ASH1L: variants seen among roughly 807,000 people sequenced by gnomAD.
ASH1L encodes the protein ASH1 like histone lysine methyltransferase, also known as histone-lysine N-methyltransferase ASH1L.
A neutral mutation model predicts 269.0 loss-of-function variants in ASH1L; 23 were observed. The ratio of observed to expected loss-of-function variants is 0.09; its 90% CI spans 0.06 to 0.12. The LOEUF (loss-of-function observed/expected upper bound fraction) is 0.12. ASH1L is among the 10% of genes least tolerant of loss of function. The pLI, the probability that ASH1L is intolerant of heterozygous loss-of-function variation, is 1.00. For synonymous variants in ASH1L, 1,187 were observed against 1,253.5 expected, an observed-to-expected ratio of 0.95 and a Z score of 1.12; for missense variants, 2,912 against 3,567.8, an observed-to-expected ratio of 0.82 and a Z score of 4.68.
chr1:155,348,786 C>A (rs992843727), intron 19 of ASH1L, among the ~76,000 whole-genome samples: 1 of 151,840 alleles, frequency 6.6e-6, no homozygotes, highest in African/African-American at 2.4e-5. Flanking sequence ...GAGGCTGAGG[C>A]AGGAGAATCG....
At position 155,451,774 on chromosome 1, in the gene ASH1L, T is replaced by G. The variant is rs557809815; in HGVS notation, c.5086+8023A>C. ...TCTAGCTCCATCTCCTAGGCTGGAGTGCACTGGTGTGATCTCAGCTCACGG... is the reference window on the plus strand; with the variant it reads ...TCTAGCTCCATCTCCTAGGCTGGAGGGCACTGGTGTGATCTCAGCTCACGG... On this transcript the variant is annotated intron_variant, in intron 4 of 27. Coordinates refer to ENST00000392403, the MANE Select transcript of ASH1L (RefSeq NM_018489.3). 1.6e-4 allele frequency among the ~76,000 whole-genome samples: 25 copies of G among 151,582 alleles called. 1 individual carries two copies. The highest frequency in any genetic ancestry group is 5.6e-4 in the African/African-American group (23 of 41,284).
At chr1:155,406,203 C>CAAA (rs964056210) in intron 6 of ASH1L, among the ~76,000 whole-genome samples, 20 of 51,804 alleles carry the variant, frequency 3.9e-4, no homozygotes, top group South Asian at 6.8e-4. Context: ...GACTCTGTCT[C>CAAA]AAAAAAAAAA....
At chr1:155,455,206 T>A (rs1222061218) in intron 4 of ASH1L, among the ~76,000 whole-genome samples, 1 of 151,988 alleles carries the variant, frequency 6.6e-6, no homozygotes, top group Non-Finnish European at 1.5e-5. Context: ...TTTAACAGAG[T>A]ATTTGCAAAT....
chr1:155,556,936 G>A (rs1471905473), intron 1 of ASH1L, among the ~76,000 whole-genome samples: 1 of 152,086 alleles, frequency 6.6e-6, no homozygotes, highest in Non-Finnish European at 1.5e-5. Flanking sequence ...AGTTACTTGG[G>A]ACAATGGAAG....
intron 1 of ASH1L, among the ~76,000 whole-genome samples, chr1:155,543,249 G>A (rs931662653): frequency 6.6e-6 from 1 of 151,858 alleles, no homozygotes; most frequent in Admixed American, 6.6e-5. Flanking sequence ...GGTGGCTCAT[G>A]CCTGTAATCA....
chr1:155,450,455 C>G (rs1194548825), intron 4 of ASH1L, among the ~76,000 whole-genome samples: 1 of 152,200 alleles, frequency 6.6e-6, no homozygotes, highest in African/African-American at 2.4e-5. Context: ...TACCACAGGT[C>G]ACTAAAGTTT....
At chr1:155,545,619 T>TG (rs1188849459) in intron 1 of ASH1L, among the ~76,000 whole-genome samples, 1 of 151,042 alleles carries the variant, frequency 6.6e-6, no homozygotes, top group Non-Finnish European at 1.5e-5. Context: ...GAGAAAGGTT[T>TG]GGAAGGAAAA....
At chr1:155,523,478 C>A (rs1216384241) in intron 1 of ASH1L, among the ~76,000 whole-genome samples, 1 of 152,164 alleles carries the variant, frequency 6.6e-6, no homozygotes, top group African/African-American at 2.4e-5. Flanking sequence ...GGCAACAGGG[C>A]AAGACCCTGT....
chr1:155,490,222 C>T (rs1666668323), intron 2 of ASH1L, among the ~76,000 whole-genome samples: 1 of 151,948 alleles, frequency 6.6e-6, no homozygotes, highest in South Asian at 2.1e-4. Context: ...CCTCGGCCTC[C>T]CAAAGTGCTG....
At chr1:155,559,235 T>G (rs1363503747) in intron 1 of ASH1L, among the ~76,000 whole-genome samples, 1 of 152,126 alleles carries the variant, frequency 6.6e-6, no homozygotes, top group Non-Finnish European at 1.5e-5. Context: ...CAATAGTTCC[T>G]TTATACAAAA....
chr1:155,435,431 C>T (rs903843348), intron 5 of ASH1L, among the ~76,000 whole-genome samples: 2 of 152,072 alleles, frequency 1.3e-5, no homozygotes, highest in Non-Finnish European at 2.9e-5. Flanking sequence ...TTAAAGAATA[C>T]ACAATGTACT....
chr1:155,493,037 G>A (rs766305079), intron 2 of ASH1L, among the ~76,000 whole-genome samples: 1 of 151,996 alleles, frequency 6.6e-6, no homozygotes, highest in Non-Finnish European at 1.5e-5. Flanking sequence ...GGCTGGTCTC[G>A]AACTCCTGAG....
intron 7 of ASH1L, among the ~76,000 whole-genome samples, chr1:155,382,236 C>T (rs559446940): frequency 3.9e-5 from 6 of 152,088 alleles, no homozygotes; most frequent in African/African-American, 7.2e-5. Flanking sequence ...TGGTGGCTCA[C>T]GCCTGTAATC....
intron 3 of ASH1L, among the ~76,000 whole-genome samples, chr1:155,474,854 G>C (rs963440872): frequency 1.3e-5 from 2 of 152,102 alleles, no homozygotes; most frequent in African/African-American, 4.8e-5. Context: ...CTAGACTACT[G>C]CAATTGCCTA....
intron 1 of ASH1L, among the ~76,000 whole-genome samples, chr1:155,536,809 G>A (rs1486995802): frequency 1.3e-5 from 2 of 152,064 alleles, no homozygotes; most frequent in African/African-American, 2.4e-5. Context: ...TTGGGAGGCT[G>A]AAATGGGCAG....
At chr1:155,555,900 T>C (rs1282165167) in intron 1 of ASH1L, among the ~76,000 whole-genome samples, 1 of 138,010 alleles carries the variant, frequency 7.2e-6, no homozygotes, top group East Asian at 2.0e-4. Context: ...TAAGTATTTA[T>C]GGATGAAATT....
At chr1:155,431,650 A>G (rs1242454776) in intron 5 of ASH1L, among the ~76,000 whole-genome samples, 2 of 152,056 alleles carry the variant, frequency 1.3e-5, no homozygotes, top group Admixed American at 6.6e-5. Context: ...AGTCCCAGCC[A>G]CTGTGGGGGA....
At chr1:155,372,689 T>C (rs1258631728) in intron 10 of ASH1L, among the ~76,000 whole-genome samples, 1 of 151,772 alleles carries the variant, frequency 6.6e-6, no homozygotes, top group Non-Finnish European at 1.5e-5. Flanking sequence ...CAGCCTACTG[T>C]AGCCTCGAAC....
chr1:155,507,224 G>A (rs1489353579), intron 2 of ASH1L, among the ~76,000 whole-genome samples: 6 of 151,176 alleles, frequency 4.0e-5, no homozygotes, highest in African/African-American at 1.2e-4. Flanking sequence ...AGGTTGCGGT[G>A]TGCCGAGATC....
Sources: allele counts gnomAD v4.1 joint callset (sites outside exome capture counted in the v4.1 genomes callset), GRCh38; gene constraint gnomAD v4.1.1; transcripts MANE v1.5; gene names NCBI Gene and HGNC (gene_info 2026-07-23, HGNC 2026-07-21).